LRIG1: variants seen among roughly 807,000 people sequenced by gnomAD.
The protein encoded by LRIG1 is leucine rich repeats and immunoglobulin like domains 1.
LRIG1 carries 48 observed loss-of-function variants against 99.2 expected under a neutral mutation model. The observed-to-expected ratio is 0.48, with a 90% confidence interval of 0.38 to 0.62. LRIG1 has a LOEUF of 0.62. LRIG1 is among the 20% of genes least tolerant of loss of function. The probability of loss-of-function intolerance (pLI) is 0.00; values close to 1 mark genes in which losing one functional copy is unlikely to be tolerated. For missense variants in LRIG1, 1,646 were observed against 1,434.4 expected, an observed-to-expected ratio of 1.15 and a Z score of -2.38; for synonymous variants, 772 against 596.1, an observed-to-expected ratio of 1.29 and a Z score of -4.30.
intron 1 of LRIG1, among the ~76,000 whole-genome samples, chr3:66,464,957 G>C (rs1246123447): frequency 6.6e-6 from 1 of 152,170 alleles, no homozygotes; most frequent in African/African-American, 2.4e-5. Context: ...ACTTAACACT[G>C]AGATGCCAAC....
rs138684371 is a variant in LRIG1, at chr3:66,484,337, C to T, written c.218+15853G>A. The stretch of plus-strand genomic sequence containing the variant: ...GGCTTCACACTAGATTCTGGGAATA[C>T]AATGGTGGATTGGAAACAAAGCCAG... On this transcript the variant is annotated intron_variant, in intron 1 of 18. Transcript: ENST00000273261. 3.0e-3 allele frequency among the ~76,000 whole-genome samples: 456 copies of T among 152,274 alleles called. 6 individuals are homozygous for T. The East Asian group carries it at 0.033, about 11-fold the overall frequency.
chr3:66,455,414 T>C (rs1050246571), intron 2 of LRIG1, among the ~76,000 whole-genome samples: 3 of 152,244 alleles, frequency 2.0e-5, no homozygotes, highest in Non-Finnish European at 4.4e-5. Context: ...GAGATGTGTA[T>C]GTGTTTTTCT....
intron 3 of LRIG1, 89 bp from the exon 4 acceptor site, chr3:66,417,355 A>C: frequency 2.3e-6 from 3 of 1,312,058 alleles, no homozygotes; most frequent in Non-Finnish European, 3.2e-6. Context: ...CCCCCCACCA[A>C]TATAACTACA....
chr3:66,381,838 G>C (rs1247034485), intron 16 of LRIG1, among the ~76,000 whole-genome samples: 1 of 152,202 alleles, frequency 6.6e-6, no homozygotes, highest in Non-Finnish European at 1.5e-5. Flanking sequence ...AGCTGTCTCA[G>C]GGTGAGCCTC....
intron 12 of LRIG1, chr3:66,387,274 T>C (rs1701422290): frequency 6.6e-6 from 1 of 151,964 alleles, no homozygotes; most frequent in East Asian, 1.9e-4. Flanking sequence ...CCTGGGGATC[T>C]AGACAGCCAC....
intron 3 of LRIG1, chr3:66,417,479 A>C (rs1702649845): frequency 3.5e-6 from 2 of 566,632 alleles, no homozygotes; most frequent in Admixed American, 6.2e-5. Context: ...AGTTTATCAA[A>C]GTTCTATCCC....
chr3:66,439,974 G>A (rs1237297996), intron 3 of LRIG1, among the ~76,000 whole-genome samples: 2 of 152,094 alleles, frequency 1.3e-5, no homozygotes, highest in African/African-American at 2.4e-5. Flanking sequence ...TAAAATGAAG[G>A]CCAGCCTCAA....
chr3:66,451,195 G>A (rs113514695), intron 3 of LRIG1, among the ~76,000 whole-genome samples: 33 of 152,048 alleles, frequency 2.2e-4, no homozygotes, highest in African/African-American at 7.7e-4. Flanking sequence ...CTGGCACAAA[G>A]ATTAGCTTGC....
chr3:66,418,315 G>A (rs902061295), intron 3 of LRIG1, among the ~76,000 whole-genome samples: 5 of 152,078 alleles, frequency 3.3e-5, no homozygotes, highest in Non-Finnish European at 5.9e-5. Context: ...GGATGGTCTC[G>A]ATCTCCTGAC....
At chr3:66,446,272 GGGAA>G (rs1703719900) in intron 3 of LRIG1, among the ~76,000 whole-genome samples, 1 of 152,006 alleles carries the variant, frequency 6.6e-6, no homozygotes, top group Non-Finnish European at 1.5e-5. Context: ...CTCACCCCCG[GGGAA>G]GGGGGAAGGT....
At chr3:66,496,460 C>T (rs1453752923) in intron 1 of LRIG1, among the ~76,000 whole-genome samples, 1 of 152,154 alleles carries the variant, frequency 6.6e-6, no homozygotes, top group Non-Finnish European at 1.5e-5. Context: ...TGTCAGAGAG[C>T]TATCAACAGA....
chr3:66,451,294 T>C (rs777964580), intron 3 of LRIG1, among the ~76,000 whole-genome samples: 1 of 149,972 alleles, frequency 6.7e-6, no homozygotes, highest in Non-Finnish European at 1.5e-5. Context: ...TCTAGTTCCA[T>C]ATACCTCTGC....
chr3:66,445,917 G>A (rs1703701302), intron 3 of LRIG1, among the ~76,000 whole-genome samples: 1 of 152,264 alleles, frequency 6.6e-6, no homozygotes, highest in African/African-American at 2.4e-5. Context: ...CTCAGATCAT[G>A]AGGCCGAGCC....
At chr3:66,443,137 G>C (rs1291543836) in intron 3 of LRIG1, among the ~76,000 whole-genome samples, 2 of 152,236 alleles carry the variant, frequency 1.3e-5, no homozygotes, top group Admixed American at 6.5e-5. Context: ...TTCCGGGACA[G>C]AGAGCTGCTT....
chr3:66,412,107 G>T (rs1468485224), intron 6 of LRIG1, among the ~76,000 whole-genome samples: 3 of 152,220 alleles, frequency 2.0e-5, no homozygotes, highest in Non-Finnish European at 4.4e-5. Context: ...TCACGTTACC[G>T]TGCAGGCAAG....
intron 10 of LRIG1, 30 bp from the exon 11 acceptor site, chr3:66,398,213 A>G (rs939533389): frequency 1.3e-6 from 2 of 1,578,550 alleles, no homozygotes; most frequent in Non-Finnish European, 1.7e-6. Context: ...ACTTATGCAA[A>G]GAAACCCTAG....
rs755147298 is a variant in LRIG1 at position 66,398,957 on chromosome 3, G to A, written c.1232+13C>T. 1.4e-5 allele frequency: 22 copies of A among 1,612,966 alleles called. 1 individual carries two copies. The South Asian group carries it at 2.4e-4, about 18-fold the overall frequency. ...CAGGCTGTGCCTCAGGGCAGGGCTG[G>A]TGAGATACTCACAGGTGCTCCAGGC... On this transcript the variant is annotated intron_variant, in intron 10 of 18. Transcript: ENST00000273261.
chr3:66,383,014 T>G lies in LRIG1; in HGVS notation c.2459A>C (p.Lys820Thr). 1 of 1,614,002 alleles carries G rather than the reference T, an allele frequency of 6.2e-7. No homozygotes were observed. Among genetic ancestry groups the G allele is most frequent in the Non-Finnish European group, 8.5e-7 (1 of 1,179,914 alleles). The change falls in exon 15 of 19, where the codon AAG (lysine) becomes ACG (threonine). Residue 820 changes from lysine (K) to threonine (T), a missense_variant. By Grantham distance (78) the Lys-to-Thr change is moderately conservative (BLOSUM62 -1). Transcript: ENST00000273261. The part of the protein sequence containing the change: ...VWVCIIYQTR[K>T]KSEEYSVTNT... ...GGTGACACTGTACTCTTCACTCTTC[T>G]TCCTGGTCTGGTAGATGATGCACAC...
chr3:66,467,053 G>A (rs913678853), intron 1 of LRIG1, among the ~76,000 whole-genome samples: 4 of 152,138 alleles, frequency 2.6e-5, no homozygotes, highest in African/African-American at 9.7e-5. Flanking sequence ...TCAGCCCACC[G>A]TTCGCTGAAC....
Sources: allele counts gnomAD v4.1 joint callset (sites outside exome capture counted in the v4.1 genomes callset), GRCh38; gene constraint gnomAD v4.1.1; transcripts MANE v1.5; gene names NCBI Gene and HGNC (gene_info 2026-07-23, HGNC 2026-07-21).